METTL15: variants seen among roughly 807,000 people sequenced by gnomAD.
METTL15 encodes methyltransferase 15, mitochondrial 12S rRNA N4-cytidine.
METTL15 carries 34 observed loss-of-function variants against 38.3 expected under a neutral mutation model. That is an observed-to-expected ratio of 0.89 (90% CI 0.68 to 1.18). METTL15 has a LOEUF of 1.18. Ranked by LOEUF, METTL15 falls within the 50% of genes most tolerant of loss-of-function variation. The pLI, the probability that METTL15 is intolerant of heterozygous loss-of-function variation, is 0.00. For missense variants in METTL15, 438 were observed against 498.4 expected, an observed-to-expected ratio of 0.88 and a Z score of 1.15; for synonymous variants, 162 against 170.9, an observed-to-expected ratio of 0.95 and a Z score of 0.41.
intron 3 of METTL15, among the ~76,000 whole-genome samples, chr11:28,137,957 G>T (rs1281201831): frequency 6.6e-6 from 1 of 152,056 alleles, no homozygotes; most frequent in African/African-American, 2.4e-5. Flanking sequence ...TAATCTCCTA[G>T]TCAGATCATT....
chr11:28,374,266 T>C (rs1207536475), intron 5 of METTL15, among the ~76,000 whole-genome samples: 1 of 152,180 alleles, frequency 6.6e-6, no homozygotes, highest in African/African-American at 2.4e-5. Flanking sequence ...AGTATGGCCA[T>C]TTTCAGGATA....
intron 5 of METTL15, among the ~76,000 whole-genome samples, chr11:28,377,551 T>C (rs905510512): frequency 2.0e-5 from 3 of 151,574 alleles, no homozygotes; most frequent in Admixed American, 6.6e-5. Context: ...ATTCTAGTTA[T>C]ACATTCTTCT....
intron 4 of METTL15, among the ~76,000 whole-genome samples, chr11:28,236,797 G>T (rs1023065359): frequency 6.6e-6 from 1 of 152,088 alleles, no homozygotes; most frequent in African/African-American, 2.4e-5. Context: ...GGCAGGCCTG[G>T]TGTTGACAAA....
In METTL15 at chr11:28,408,378, C is replaced by T. The variant is rs917355516; in HGVS notation, c.*359-15921C>T. ...AACAAGAAAACCGTGCTAGCTAAAA[C>T]CACCTCTGTTTCTATTTCAAGCTTT... is the stretch of plus-strand genomic sequence containing the variant. On this transcript the variant is annotated intron_variant and NMD_transcript_variant, in intron 5 of 7. Transcript: ENST00000532947. Among the ~76,000 whole-genome samples the T allele has an allele frequency of 7.9e-5, 12 of 152,240 alleles. No homozygotes were observed. The East Asian group carries it at 9.6e-4, about 12-fold the overall frequency.
At chr11:28,246,587 G>A (rs975989112) in intron 4 of METTL15, among the ~76,000 whole-genome samples, 8 of 152,146 alleles carry the variant, frequency 5.3e-5, no homozygotes, top group African/African-American at 1.4e-4. Context: ...TGCTATGTAA[G>A]TGTTACCTAT....
At chr11:28,402,064 C>A (rs1303361128) in intron 5 of METTL15, among the ~76,000 whole-genome samples, 1 of 151,888 alleles carries the variant, frequency 6.6e-6, no homozygotes, top group Non-Finnish European at 1.5e-5. Context: ...TTTCTAGAAC[C>A]TTTATGAAAT....
chr11:28,241,308 C>T (rs912979621), intron 4 of METTL15, among the ~76,000 whole-genome samples: 12 of 151,824 alleles, frequency 7.9e-5, no homozygotes, highest in African/African-American at 1.7e-4. Context: ...CTGAGGCAGG[C>T]GGATCGCAAG....
intron 5 of METTL15, among the ~76,000 whole-genome samples, chr11:28,368,216 C>T (rs1234764910): frequency 6.8e-6 from 1 of 146,244 alleles, no homozygotes; most frequent in Non-Finnish European, 1.5e-5. Context: ...GAACAGGCAA[C>T]CTACAGAATG....
chr11:28,525,785 C>T (rs942999137), intron 6 of METTL15, among the ~76,000 whole-genome samples: 4 of 152,250 alleles, frequency 2.6e-5, no homozygotes, highest in Admixed American at 2.0e-4. Context: ...GCCAGTACCG[C>T]GCCGTGCACC....
Position 28,333,199 on chromosome 11 carries a change from G to A in METTL15, c.*2358G>A, listed in dbSNP as rs1451410164. ...TGGTAATTTGTTACAGCAATCCTAG[G>A]AAGCTAATACTCTGACAGAAAAAAA... On this transcript the variant is annotated 3_prime_UTR_variant, in exon 7 of 7. Transcript: ENST00000407364. 4 of 151,806 alleles carry A rather than the reference G, an allele frequency of 2.6e-5. No individual in the cohort carries two copies. The highest frequency in any genetic ancestry group is 9.7e-5 in the African/African-American group (4 of 41,250). 9.4% of individuals were successfully genotyped at this position (151,806 alleles called of 1,614,324 possible).
chr11:28,289,004 G>A (rs963120371), intron 4 of METTL15, among the ~76,000 whole-genome samples: 6 of 151,970 alleles, frequency 3.9e-5, no homozygotes, highest in Non-Finnish European at 8.8e-5. Context: ...ATGTTGTATT[G>A]GGGAAAAATT....
At chr11:28,413,939 C>T (rs893817173) in intron 5 of METTL15, among the ~76,000 whole-genome samples, 4 of 152,154 alleles carry the variant, frequency 2.6e-5, no homozygotes, top group Non-Finnish European at 4.4e-5. Context: ...AGTTTCTTAA[C>T]ATTCCTATTT....
chr11:28,307,465 A>G (rs888629693), intron 6 of METTL15, among the ~76,000 whole-genome samples: 2 of 151,978 alleles, frequency 1.3e-5, no homozygotes, highest in African/African-American at 4.8e-5. Flanking sequence ...ACAACTAGTA[A>G]AGAAGGCCTT....
At chr11:28,421,709 A>G (rs184543634) in intron 5 of METTL15, among the ~76,000 whole-genome samples, 3 of 152,128 alleles carry the variant, frequency 2.0e-5, no homozygotes, top group Non-Finnish European at 2.9e-5. Context: ...AAAACCGTAT[A>G]TGACAGACTC....
intron 6 of METTL15, among the ~76,000 whole-genome samples, chr11:28,428,009 G>T (rs1182068847): frequency 6.6e-6 from 1 of 152,100 alleles, no homozygotes; most frequent in Non-Finnish European, 1.5e-5. Context: ...TTCCAGATTT[G>T]GGGCAATTTA....
intron 5 of METTL15, among the ~76,000 whole-genome samples, chr11:28,370,470 T>A (rs1655978691): frequency 6.6e-6 from 1 of 152,028 alleles, no homozygotes; most frequent in Non-Finnish European, 1.5e-5. Flanking sequence ...TGGACTCTTA[T>A]TTTTATTCTG....
chr11:28,366,868 A>G (rs991272617), intron 5 of METTL15, among the ~76,000 whole-genome samples: 5 of 152,194 alleles, frequency 3.3e-5, no homozygotes, highest in Non-Finnish European at 5.9e-5. Context: ...TATATAGTCC[A>G]AAAGGTCTTT....
chr11:28,387,717 C>T (rs968388148), intron 5 of METTL15, among the ~76,000 whole-genome samples: 2 of 152,014 alleles, frequency 1.3e-5, no homozygotes, highest in African/African-American at 2.4e-5. Context: ...TACTCTGATA[C>T]CAGAATCAGA....
At chr11:28,373,083 G>A (rs1046989160) in intron 5 of METTL15, among the ~76,000 whole-genome samples, 3 of 152,176 alleles carry the variant, frequency 2.0e-5, no homozygotes, top group East Asian at 1.9e-4. Flanking sequence ...GTAAACATAC[G>A]TGTGCATGTG....
Sources: allele counts gnomAD v4.1 joint callset (sites outside exome capture counted in the v4.1 genomes callset), GRCh38; gene constraint gnomAD v4.1.1; transcripts MANE v1.5; gene names NCBI Gene and HGNC (gene_info 2026-07-23, HGNC 2026-07-21).